The following SOX13 variants were observed in gnomAD, a reference collection of about 807,000 sequenced individuals.
SOX13 encodes SRY-box transcription factor 13, also known as transcription factor SOX-13.
Under a neutral mutation model 71.8 loss-of-function variants are expected in SOX13, and 28 were observed. That is an observed-to-expected ratio of 0.39 (90% CI 0.29 to 0.53). SOX13 has a LOEUF of 0.53. SOX13 is among the 20% of genes least tolerant of loss of function. The pLI is 0.70. For synonymous variants in SOX13, 309 were observed against 317.8 expected, an observed-to-expected ratio of 0.97 and a Z score of 0.29; for missense variants, 627 against 810.3, an observed-to-expected ratio of 0.77 and a Z score of 2.75.
intron 2 of SOX13, among the ~76,000 whole-genome samples, chr1:204,113,395 C>A (rs1485307515): frequency 1.3e-5 from 2 of 152,234 alleles, no homozygotes; most frequent in Non-Finnish European, 2.9e-5. Flanking sequence ...ATGTGTGACC[C>A]AGTCCTTGCT....
Position 204,122,223 on chromosome 1 carries a change from TGG to T in SOX13, c.862-12_862-11del. 6.4e-7 allele frequency: 1 copy of T among 1,559,242 alleles called. No individual in the cohort carries two copies. The highest frequency in any genetic ancestry group is 8.7e-7 in the Non-Finnish European group (1 of 1,152,750). ...TGGTGTCTGTCATCCTCTGACCTGC[TGG>T]GTCTCCCTCAGGAGCCCTCCCAGCC... On this transcript the variant is annotated splice_polypyrimidine_tract_variant and intron_variant, in intron 8 of 13. Transcript: ENST00000367204.
rs1012552086 is a variant in SOX13 at position 204,073,196 on chromosome 1, C to T, written c.-517C>T. ...AACTGTGTGAGCACGGGTCCTGGAA[C>T]CCGGGCCCAGAACCGGCGAGCCCAG... On this transcript the variant is annotated 5_prime_UTR_variant, in exon 1 of 14. Transcript: ENST00000367204. The surrounding 1 kb of genome is among the most constrained non-coding windows in gnomAD (Gnocchi z 6.8). 6.6e-6 allele frequency: 1 copy of T among 152,276 alleles called. No homozygotes were observed. Among genetic ancestry groups the T allele is most frequent in the African/African-American group, 2.4e-5 (1 of 41,452 alleles). The allele number at this position is 152,276 out of a possible 1,614,324, so 9.4% of individuals were successfully genotyped here.
chr1:204,117,436 A>G (rs1382475096), intron 6 of SOX13, among the ~76,000 whole-genome samples, 157 bp from the exon 7 acceptor site: 4 of 152,190 alleles, frequency 2.6e-5, no homozygotes, highest in Admixed American at 6.5e-5. Context: ...AGGGGCCCAC[A>G]GAGTTGGCCT....
intron 7 of SOX13, among the ~76,000 whole-genome samples, chr1:204,120,617 C>T (rs971281614): frequency 6.6e-6 from 1 of 152,224 alleles, no homozygotes; most frequent in African/African-American, 2.4e-5. Context: ...CCCTCACACA[C>T]CCCACCACTC....
Position 204,101,504 on chromosome 1 carries a change from T to TAAAAAAAAA in SOX13, c.-1-11405_-1-11397dup, listed in dbSNP as rs781502804. Among the ~76,000 whole-genome samples the TAAAAAAAAA allele has an allele frequency of 7.7e-4, 103 of 134,576 alleles. 2 individuals carry two copies. Among genetic ancestry groups the TAAAAAAAAA allele is most frequent in the Middle Eastern group, 4.0e-3 (1 of 252 alleles). The allele number at this position is 134,576 out of a possible 152,430, so 88.3% of individuals were successfully genotyped here. On this transcript the variant is annotated intron_variant, in intron 1 of 13. Transcript: ENST00000367204. ...AACATAGCGAGATTCCCTCTTTATT[T>TAAAAAAAAA]AAAAAAAAAAAAAAGTGGCAGGAGG...
At chr1:204,085,836 T>C (rs971162691) in intron 1 of SOX13, among the ~76,000 whole-genome samples, 26 of 151,494 alleles carry the variant, frequency 1.7e-4, no homozygotes, top group African/African-American at 6.1e-4. Context: ...AAAAATTAGC[T>C]GGGCGTGGTG....
At chr1:204,076,803 C>G (rs1345682957) in intron 1 of SOX13, among the ~76,000 whole-genome samples, 3 of 152,200 alleles carry the variant, frequency 2.0e-5, no homozygotes, top group African/African-American at 4.8e-5. Flanking sequence ...ACTGCAGTCA[C>G]CCCATTCATT....
rs1656827365 is a variant in SOX13, at chr1:204,122,366, G to C, written c.991G>C (p.Asp331His). Residue 331 changes from aspartate (D) to histidine (H), a missense_variant, in exon 9 of 14, where the codon GAC becomes CAC. Transcript: ENST00000367204. The part of the protein sequence containing the change: ...RPPSHGGPTR[D>H]LQSSPPSLPL... ...CCCCAGCCATGGAGGCCCCACGCGGGACCTGCAGTCCAGCCCCCCGAGCCT... is the reference window on the plus strand; with the variant it reads ...CCCCAGCCATGGAGGCCCCACGCGGCACCTGCAGTCCAGCCCCCCGAGCCT... 6.4e-7 allele frequency: 1 copy of C among 1,563,706 alleles called. No homozygotes were observed. Among genetic ancestry groups the C allele is most frequent in the South Asian group, 1.2e-5 (1 of 84,984 alleles).
intron 1 of SOX13, among the ~76,000 whole-genome samples, chr1:204,112,645 G>C (rs900174268): frequency 2.6e-5 from 4 of 152,094 alleles, no homozygotes; most frequent in Admixed American, 2.6e-4. Context: ...GCATTACACA[G>C]GCAGCTGCTG....
intron 1 of SOX13, among the ~76,000 whole-genome samples, chr1:204,110,839 G>A (rs534264637): frequency 1.4e-4 from 22 of 151,930 alleles, no homozygotes; most frequent in African/African-American, 5.1e-4. Context: ...TTTTACTGTA[G>A]GGATATTTTT....
chr1:204,122,149 TG>T, intron 8 of SOX13, 87 bp from the exon 9 acceptor site: 1 of 1,215,426 alleles, frequency 8.2e-7, no homozygotes, highest in Non-Finnish European at 1.2e-6. Flanking sequence ...TTGTGTGTTC[TG>T]GGTATGCTCA....
chr1:204,087,606 A>G (rs1046718414), intron 1 of SOX13, among the ~76,000 whole-genome samples: 2 of 152,218 alleles, frequency 1.3e-5, no homozygotes, highest in Non-Finnish European at 1.5e-5. Context: ...GCTGTCACTT[A>G]GCCACTTGGA....
chr1:204,090,063 G>A (rs796664435), intron 1 of SOX13, among the ~76,000 whole-genome samples: 15 of 152,302 alleles, frequency 9.8e-5, no homozygotes, highest in African/African-American at 3.4e-4. Context: ...TGGGAGCCCA[G>A]GCTGCTTAGG....
At chr1:204,122,059 C>A in intron 8 of SOX13, 74 bp downstream of exon 8, 2 of 1,178,948 alleles carry the variant, frequency 1.7e-6, no homozygotes, top group Non-Finnish European at 2.5e-6. Context: ...TAGGGAACTG[C>A]GGGGTGTGGA....
At chr1:204,080,117 A>G (rs934860935) in intron 1 of SOX13, among the ~76,000 whole-genome samples, 1 of 152,136 alleles carries the variant, frequency 6.6e-6, no homozygotes, top group Non-Finnish European at 1.5e-5. Context: ...TCCAGCTGCC[A>G]CCTTTCTTCC....
intron 1 of SOX13, among the ~76,000 whole-genome samples, chr1:204,109,901 C>T (rs1214939677): frequency 1.3e-5 from 2 of 152,026 alleles, no homozygotes; most frequent in Admixed American, 6.6e-5. Flanking sequence ...GGCACCATCT[C>T]GGCTCACCAC....
intron 1 of SOX13, among the ~76,000 whole-genome samples, chr1:204,093,414 G>A (rs994414949): frequency 7.9e-5 from 12 of 152,160 alleles, no homozygotes; most frequent in East Asian, 3.8e-4. Flanking sequence ...ACCCAGCTGC[G>A]GGTGAATTGC....
In SOX13 at chr1:204,113,001, A is replaced by G. The variant is rs1656618017; in HGVS notation, c.86A>G (p.Lys29Arg). ...AACTGCACCATCAAGTCAGAGGAGA[A>G]GAAAGAGCCTTGCCACGAGGCCCCC... ...MVNCTIKSEE[K>R]KEPCHEAPQG... Residue 29 changes from lysine to arginine, a missense_variant, in exon 2 of 14, where the codon AAG (lysine) becomes AGG (arginine). Transcript: ENST00000367204. 1 of 1,613,394 alleles carries G rather than the reference A, an allele frequency of 6.2e-7. No individual in the cohort carries two copies. The highest frequency in any genetic ancestry group is 8.5e-7 in the Non-Finnish European group (1 of 1,179,878).
At chr1:204,076,026 ATCCT>A (rs1363538274) in intron 1 of SOX13, among the ~76,000 whole-genome samples, 2 of 152,086 alleles carry the variant, frequency 1.3e-5, no homozygotes, top group African/African-American at 4.8e-5. Flanking sequence ...GATCAAACGT[ATCCT>A]TCTTACTCCT....
Sources: allele counts gnomAD v4.1 joint callset (sites outside exome capture counted in the v4.1 genomes callset), GRCh38; gene constraint gnomAD v4.1.1; non-coding constraint Gnocchi (gnomAD v3.1); transcripts MANE v1.5; gene names NCBI Gene and HGNC (gene_info 2026-07-23, HGNC 2026-07-21).